THSD4: variants seen among roughly 807,000 people sequenced by gnomAD.
THSD4 encodes thrombospondin type-1 domain-containing protein 4.
A neutral mutation model predicts 119.0 loss-of-function variants in THSD4; 69 were observed. The observed-to-expected ratio is 0.58, with a 90% CI of 0.48 to 0.71. THSD4 has a LOEUF of 0.71. Among genes scored for constraint, THSD4 ranks in the 30% least tolerant of loss-of-function variants. The pLI, the probability that THSD4 is intolerant of heterozygous loss-of-function variation, is 0.00. For missense variants in THSD4, 1,393 were observed against 1,391.1 expected, an observed-to-expected ratio of 1.00 and a Z score of -0.02; for synonymous variants, 524 against 540.4, an observed-to-expected ratio of 0.97 and a Z score of 0.42.
chr15:71,570,338 G>A (rs1424191412), intron 7 of THSD4, among the ~76,000 whole-genome samples: 3 of 152,140 alleles, frequency 2.0e-5, no homozygotes, highest in African/African-American at 4.8e-5. Context: ...TTTATATGAG[G>A]AAAGTAAGAT....
chr15:71,141,489 C>G lies in THSD4; in HGVS notation c.-39C>G. ...CCCAATTGCAGAAAATTGGCAACGT[C>G]TCTGAAGAGCCCTTGCTTTTGCCTG... On this transcript the variant is annotated 5_prime_UTR_variant, in exon 2 of 18. Transcript: ENST00000261862. The G allele has an allele frequency of 6.3e-7, 1 of 1,593,500 alleles. No homozygotes were observed. Among genetic ancestry groups the G allele is most frequent in the Non-Finnish European group, 8.5e-7 (1 of 1,170,794 alleles).
At chr15:71,227,776 T>C (rs1311158362) in intron 4 of THSD4, among the ~76,000 whole-genome samples, 1 of 152,052 alleles carries the variant, frequency 6.6e-6, no homozygotes, top group African/African-American at 2.4e-5. Context: ...TGGACACGGG[T>C]AATTTACGTG....
intron 6 of THSD4, among the ~76,000 whole-genome samples, chr15:71,389,807 G>GTTTTTTTTTTTTT (rs1237701264): frequency 0.019 from 856 of 45,900 alleles, 12 homozygotes; most frequent in Non-Finnish European, 0.034. Context: ...TATTTTCTGG[G>GTTTTTTTTTTTTT]TTGTTTTTTT....
At chr15:71,341,891 A>AT (rs139922946) in intron 6 of THSD4, among the ~76,000 whole-genome samples, 9 of 151,000 alleles carry the variant, frequency 6.0e-5, no homozygotes, top group Non-Finnish European at 1.0e-4. Context: ...TGCTCTAACG[A>AT]TTTTTTTTTC....
intron 8 of THSD4, among the ~76,000 whole-genome samples, chr15:71,710,754 G>A (rs1015343277): frequency 1.3e-5 from 2 of 152,162 alleles, no homozygotes; most frequent in African/African-American, 2.4e-5. Flanking sequence ...GGTATTCTCA[G>A]TGCCAATATA....
intron 6 of THSD4, among the ~76,000 whole-genome samples, chr15:71,397,898 T>C (rs889869850): frequency 1.3e-5 from 2 of 152,236 alleles, no homozygotes; most frequent in African/African-American, 4.8e-5. Flanking sequence ...ATGCAAGCAC[T>C]CTAGCCAGGT....
At chr15:71,722,539 G>A (rs943886319) in intron 8 of THSD4, among the ~76,000 whole-genome samples, 2 of 152,042 alleles carry the variant, frequency 1.3e-5, no homozygotes, top group East Asian at 1.9e-4. Flanking sequence ...CAATAAAATC[G>A]TGGCCAGAAC....
At chr15:71,710,249 C>T (rs2052482938) in intron 8 of THSD4, among the ~76,000 whole-genome samples, 1 of 152,160 alleles carries the variant, frequency 6.6e-6, no homozygotes, top group Non-Finnish European at 1.5e-5. Context: ...CCAGGATGAC[C>T]TCTGAGGACA....
rs1419628059 is a variant in THSD4, at chr15:71,782,141, C to T, written c.*4767C>T. The stretch of plus-strand genomic sequence containing the variant: ...GGCTTGCCTAGGACCCTATAGATAC[C>T]ATCACTCTTTCTCAGCTCGACTGGA... On this transcript the variant is annotated 3_prime_UTR_variant, in exon 18 of 18. Coordinates refer to ENST00000261862, the MANE Select transcript of THSD4 (RefSeq NM_024817.3). 1 of 152,360 alleles carries T rather than the reference C, an allele frequency of 6.6e-6. No individual in the cohort carries two copies. Among genetic ancestry groups the T allele is most frequent in the East Asian group, 1.9e-4 (1 of 5,168 alleles). 9.4% of individuals were successfully genotyped at this position (152,360 alleles called of 1,614,324 possible). A position where few individuals can be genotyped will look rare whatever the true frequency, so the allele number is the denominator to read the frequency against.
intron 7 of THSD4, among the ~76,000 whole-genome samples, chr15:71,535,321 G>C (rs868602199): frequency 6.6e-6 from 1 of 152,212 alleles, no homozygotes; most frequent in Admixed American, 6.5e-5. Flanking sequence ...TCGTTGCTTT[G>C]TATTGCCAAA....
chr15:71,733,933 A>AT (rs2053031412), intron 10 of THSD4: 1 of 139,364 alleles, frequency 7.2e-6, no homozygotes, highest in Non-Finnish European at 1.5e-5. Context: ...AAAAAAAAAA[A>AT]TTGCTGAGAA....
At chr15:71,288,352 A>G (rs2044746260) in intron 6 of THSD4, among the ~76,000 whole-genome samples, 1 of 152,220 alleles carries the variant, frequency 6.6e-6, no homozygotes, top group African/African-American at 2.4e-5. Context: ...TGAATAAACT[A>G]TTCTTTCAGA....
intron 4 of THSD4, among the ~76,000 whole-genome samples, chr15:71,220,722 C>G (rs1239777549): frequency 6.6e-6 from 1 of 152,128 alleles, no homozygotes; most frequent in African/African-American, 2.4e-5. Flanking sequence ...CAGAAGGGAT[C>G]AGGTGAACTA....
chr15:71,127,769 T>G (rs994678473), intron 1 of THSD4, among the ~76,000 whole-genome samples: 1 of 152,220 alleles, frequency 6.6e-6, no homozygotes, highest in Admixed American at 6.5e-5. Flanking sequence ...GTTTTTTATT[T>G]TCTTACTGTT....
chr15:71,144,445 G>A (rs959515411), intron 2 of THSD4, among the ~76,000 whole-genome samples: 12 of 152,118 alleles, frequency 7.9e-5, no homozygotes, highest in African/African-American at 2.9e-4. Context: ...CACATGTGAA[G>A]GGATTTTTAA....
chr15:71,543,573 A>T (rs2048791571), intron 7 of THSD4, among the ~76,000 whole-genome samples: 2 of 152,168 alleles, frequency 1.3e-5, no homozygotes, highest in African/African-American at 2.4e-5. Flanking sequence ...ATTTACTGAG[A>T]TGGAGGAAAC....
At chr15:71,708,573 C>G (rs2052440460) in intron 8 of THSD4, among the ~76,000 whole-genome samples, 1 of 151,958 alleles carries the variant, frequency 6.6e-6, no homozygotes, top group Admixed American at 6.6e-5. Flanking sequence ...TTTTTTCAGT[C>G]CTAGGGCAAA....
intron 7 of THSD4, among the ~76,000 whole-genome samples, chr15:71,633,127 C>T (rs1351580267): frequency 6.6e-6 from 1 of 152,138 alleles, no homozygotes; most frequent in Non-Finnish European, 1.5e-5. Context: ...TGTTGTAAGT[C>T]AACCCCCATC....
intron 7 of THSD4, among the ~76,000 whole-genome samples, chr15:71,464,833 C>T (rs1023670374): frequency 3.9e-5 from 6 of 152,220 alleles, no homozygotes; most frequent in African/African-American, 1.2e-4. Flanking sequence ...ATTTGTTCCA[C>T]AGTCTTCCAA....
Sources: allele counts gnomAD v4.1 joint callset (sites outside exome capture counted in the v4.1 genomes callset), GRCh38; gene constraint gnomAD v4.1.1; transcripts MANE v1.5; gene names NCBI Gene and HGNC (gene_info 2026-07-23, HGNC 2026-07-21).